Variants in TNFRSF10D observed in about 807,000 individuals in gnomAD.
TNFRSF10D encodes TNF receptor superfamily member 10d.
TNFRSF10D carries 28 observed loss-of-function variants against 42.1 expected under a neutral mutation model. That is an observed-to-expected ratio of 0.66 (90% CI 0.49 to 0.91). The LOEUF (loss-of-function observed/expected upper bound fraction) is 0.91, where lower values mean the gene tolerates loss of function less well. TNFRSF10D is among the 40% of genes least tolerant of loss of function. The pLI, the probability that TNFRSF10D is intolerant of heterozygous loss-of-function variation, is 0.00. For missense variants in TNFRSF10D, 503 were observed against 486.1 expected (o/e 1.03, Z -0.33); for synonymous variants, 186 against 189.4 (o/e 0.98, Z 0.15).
intron 7 of TNFRSF10D, among the ~76,000 whole-genome samples, chr8:23,143,149 TG>T (rs1800057229): frequency 1.3e-5 from 2 of 152,118 alleles, no homozygotes. Context: ...GCTAATTTTT[TG>T]TATTTTTAGT....
rs535012265 is a variant in TNFRSF10D, at chr8:23,150,552, C to T, written c.257-2001G>A. Among the ~76,000 whole-genome samples the T allele has an allele frequency of 3.3e-5, 5 of 152,234 alleles. No homozygotes were observed. The South Asian group carries it at 8.3e-4, about 25-fold the overall frequency. On this transcript the variant is annotated intron_variant, in intron 2 of 8. Transcript: ENST00000312584. ...ACAAAATGAAGCACAAGTAACCAACCCGAAAGGAATAGACATTTACAACAG... is the reference window on the plus strand; with the variant it reads ...ACAAAATGAAGCACAAGTAACCAACTCGAAAGGAATAGACATTTACAACAG...
chr8:23,160,081 G>C (rs1800343897), intron 1 of TNFRSF10D, among the ~76,000 whole-genome samples: 1 of 152,158 alleles, frequency 6.6e-6, no homozygotes, highest in South Asian at 2.1e-4. Flanking sequence ...GGAGGCAATG[G>C]TGGTGAGATA....
At chr8:23,148,585 A>C (rs75974366) in intron 2 of TNFRSF10D, 34 bp from the exon 3 acceptor site, 6 of 1,513,984 alleles carry the variant, frequency 4.0e-6, no homozygotes, top group Non-Finnish European at 5.5e-6. Flanking sequence ...TGAATGAGTC[A>C]CCACAGAATT....
chr8:23,152,892 A>G (rs554513906), intron 2 of TNFRSF10D, among the ~76,000 whole-genome samples: 904 of 152,232 alleles, frequency 5.9e-3, no homozygotes, highest in African/African-American at 0.018. Context: ...TGGAACCACA[A>G]AAGACCTCAA....
chr8:23,140,026 A>C (rs1039855200), intron 7 of TNFRSF10D, among the ~76,000 whole-genome samples: 1 of 152,154 alleles, frequency 6.6e-6, no homozygotes, highest in Non-Finnish European at 1.5e-5. Context: ...ACGGTGGCTC[A>C]CGCCTGTAAT....
At chr8:23,149,179 G>A (rs1585261747) in intron 2 of TNFRSF10D, among the ~76,000 whole-genome samples, 2 of 104,764 alleles carry the variant, frequency 1.9e-5, no homozygotes, top group East Asian at 5.9e-4. Flanking sequence ...GACAGAGCAA[G>A]ACTCTGTCTC....
rs183546900 is a variant in TNFRSF10D at position 23,155,090 on chromosome 8, T to G, written c.151-111A>C. Reference sequence around the variant, plus strand: ...TGACAAAACCCATGAGAGCCTGGACTTTTTTCCCATTCCAAACTTTCATTC... The same window carrying G: ...TGACAAAACCCATGAGAGCCTGGACGTTTTTCCCATTCCAAACTTTCATTC... On this transcript the variant is annotated intron_variant, in intron 1 of 8. Transcript: ENST00000312584. The G allele has an allele frequency of 3.4e-3, 2,709 of 804,340 alleles. 10 individuals are homozygous for G. Among genetic ancestry groups the G allele is most frequent in the Non-Finnish European group, 3.9e-3 (2,053 of 524,046 alleles). 49.8% of individuals were successfully genotyped at this position (804,340 alleles called of 1,614,324 possible). A position where few individuals can be genotyped will look rare whatever the true frequency, so the allele number is the denominator to read the frequency against.
intron 7 of TNFRSF10D, among the ~76,000 whole-genome samples, chr8:23,141,637 C>T (rs1800021263): frequency 6.6e-6 from 1 of 151,984 alleles, no homozygotes; most frequent in South Asian, 2.1e-4. Flanking sequence ...CAGAAAACAA[C>T]CCCATTAAAA....
At chr8:23,159,899 A>G (rs544908680) in intron 1 of TNFRSF10D, among the ~76,000 whole-genome samples, 2 of 150,254 alleles carry the variant, frequency 1.3e-5, no homozygotes, top group Non-Finnish European at 3.0e-5. Flanking sequence ...TCTCCTGTGT[A>G]CCTGTCTTAT....
intron 1 of TNFRSF10D, among the ~76,000 whole-genome samples, chr8:23,155,420 T>C (rs1173866610): frequency 6.6e-6 from 1 of 151,816 alleles, no homozygotes; most frequent in Non-Finnish European, 1.5e-5. Context: ...CAAGAAAAGA[T>C]TTTATAAGAA....
chr8:23,157,968 T>A (rs1201512715), intron 1 of TNFRSF10D, among the ~76,000 whole-genome samples: 1 of 152,154 alleles, frequency 6.6e-6, no homozygotes, highest in Non-Finnish European at 1.5e-5. Context: ...AGAAAACACC[T>A]GAAACTGATC....
intron 2 of TNFRSF10D, among the ~76,000 whole-genome samples, chr8:23,150,833 C>G (rs146557151): frequency 6.1e-3 from 924 of 150,852 alleles, no homozygotes; most frequent in African/African-American, 0.019. Context: ...AGCTTGAAAA[C>G]AGATCATTTG....
In TNFRSF10D at chr8:23,137,992, G is replaced by A. The variant is rs749052685; in HGVS notation, c.1039C>T (p.Leu347=). 6.2e-7 allele frequency: 1 copy of A among 1,614,160 alleles called. No homozygotes were observed. The highest frequency in any genetic ancestry group is 8.5e-7 in the Non-Finnish European group (1 of 1,180,030). The change falls in exon 9 of 9, where the codon CTG becomes TTG. Residue 347 remains leucine (L), a synonymous_variant. Coordinates refer to ENST00000312584, the MANE Select transcript of TNFRSF10D (RefSeq NM_003840.5). ...TCTTCCAGTGTTGCCGAGGCATCCA[G>A]CAAGGTGCTGACTGAGAAGAGAGAA... ...DADSADISTL[L]DASATLEEGH...
chr8:23,146,880 A>C, intron 4 of TNFRSF10D, 81 bp downstream of exon 4: 1 of 1,206,642 alleles, frequency 8.3e-7, no homozygotes. Context: ...CCATGGGGTC[A>C]GCGGAGAGAT....
In TNFRSF10D at chr8:23,135,613, T is replaced by C; in HGVS notation, c.*2257A>G. On this transcript the variant is annotated 3_prime_UTR_variant, in exon 9 of 9. Transcript: ENST00000312584. ...TTTTTAATATGAGGTTTCATATTTA[T>C]TTTGGTCATAAACATATGAGTATTT... 5.1e-6 allele frequency: 1 copy of C among 196,134 alleles called. No individual in the cohort carries two copies. 12.1% of individuals were successfully genotyped at this position (196,134 alleles called of 1,614,324 possible).
At chr8:23,142,524 T>A (rs1800045125) in intron 7 of TNFRSF10D, among the ~76,000 whole-genome samples, 1 of 152,180 alleles carries the variant, frequency 6.6e-6, no homozygotes, top group African/African-American at 2.4e-5. Context: ...CGTGTTCTCA[T>A]TTATAAGTAG....
intron 2 of TNFRSF10D, among the ~76,000 whole-genome samples, chr8:23,151,983 T>C (rs1488937865): frequency 6.6e-6 from 1 of 152,224 alleles, no homozygotes; most frequent in Non-Finnish European, 1.5e-5. Context: ...CGGTGGACTG[T>C]CTAATGCCTA....
At chr8:23,146,144 T>C (rs111765261) in intron 4 of TNFRSF10D, among the ~76,000 whole-genome samples, 5,046 of 152,124 alleles carry the variant, frequency 0.033, 208 homozygotes, top group African/African-American at 0.11. Flanking sequence ...GTCAGAGCTG[T>C]AGATCCAGGA....
intron 2 of TNFRSF10D, among the ~76,000 whole-genome samples, chr8:23,154,385 C>A (rs910562103): frequency 1.3e-5 from 2 of 151,962 alleles, no homozygotes; most frequent in African/African-American, 4.8e-5. Flanking sequence ...ACAAACTCTG[C>A]ACTTACACAA....
Sources: gnomAD v4.1 joint callset for allele counts (sites outside exome capture counted in the v4.1 genomes callset) on GRCh38, gnomAD v4.1.1 for gene constraint, MANE v1.5 for transcripts, NCBI Gene and HGNC (gene_info 2026-07-23, HGNC 2026-07-21) for gene names.